Variants in CPD observed in about 807,000 individuals in gnomAD.
CPD encodes the protein carboxypeptidase D, also known as metallocarboxypeptidase D.
Under a neutral mutation model 138.3 loss-of-function variants are expected in CPD, and 69 were observed. The observed-to-expected ratio is 0.50, with a 90% CI of 0.41 to 0.61. The LOEUF is 0.61. CPD is among the 20% of genes least tolerant of loss of function. CPD has a pLI of 0.00. For missense variants in CPD, 1,432 were observed against 1,733.3 expected, an observed-to-expected ratio of 0.83 and a Z score of 3.09; for synonymous variants, 651 against 642.1, an observed-to-expected ratio of 1.01 and a Z score of -0.21.
chr17:30,464,370 G>A lies in CPD; in HGVS notation c.3917-218G>A, dbSNP rs533043055. ...GGGTAATGGAAATGTAAATATAGGAGGTTTTTTGGTTTTGGCTTTTGTTAG... is the reference window on the plus strand; with the variant it reads ...GGGTAATGGAAATGTAAATATAGGAAGTTTTTTGGTTTTGGCTTTTGTTAG... On this transcript the variant is annotated intron_variant, in intron 20 of 20. Coordinates refer to ENST00000225719, the MANE Select transcript of CPD (RefSeq NM_001304.5). Among the ~76,000 whole-genome samples the A allele has an allele frequency of 5.3e-5, 8 of 152,026 alleles. No individual in the cohort carries two copies. The South Asian group carries it at 6.2e-4, about 12-fold the overall frequency.
chr17:30,383,327 G>A (rs1392310882), intron 1 of CPD, among the ~76,000 whole-genome samples: 5 of 152,116 alleles, frequency 3.3e-5, no homozygotes, highest in African/African-American at 9.7e-5. Context: ...GACAACTCTG[G>A]GAAATGGGTA....
chr17:30,426,323 G>T (rs965326747), intron 6 of CPD, among the ~76,000 whole-genome samples: 1 of 152,082 alleles, frequency 6.6e-6, no homozygotes, highest in Non-Finnish European at 1.5e-5. Context: ...GGCCAGCCAC[G>T]CAGGAGAATT....
chr17:30,385,199 T>C lies in CPD; in HGVS notation c.957T>C (p.Asp319=), dbSNP rs1423242367. The C allele has an allele frequency of 1.2e-6, 2 of 1,614,090 alleles. No homozygotes were observed. Among genetic ancestry groups the C allele is most frequent in the South Asian group, 2.2e-5 (2 of 91,088 alleles). ...CPGDEDETFK[D]GITNGAHWYD... ...GAGATGAAGACGAGACTTTCAAAGATGGAATCACAAACGGCGCACATTGGT... is the reference window on the plus strand; with the variant it reads ...GAGATGAAGACGAGACTTTCAAAGACGGAATCACAAACGGCGCACATTGGT... Residue 319 remains aspartate (D), a synonymous_variant, in exon 2 of 21, where the codon GAT becomes GAC. Transcript: ENST00000225719.
At chr17:30,413,351 C>T (rs1031838558) in intron 2 of CPD, among the ~76,000 whole-genome samples, 3 of 152,092 alleles carry the variant, frequency 2.0e-5, no homozygotes, top group East Asian at 1.9e-4. Context: ...CAGCATCTTA[C>T]CCATTTCCTG....
chr17:30,449,512 C>T (rs1913111125), intron 12 of CPD, 41 bp from the exon 13 acceptor site: 1 of 1,514,792 alleles, frequency 6.6e-7, no homozygotes, highest in Non-Finnish European at 8.9e-7. Flanking sequence ...TAACATAGTG[C>T]TTGATTACTT....
chr17:30,410,837 G>A (rs553920053), intron 2 of CPD, among the ~76,000 whole-genome samples: 1 of 152,214 alleles, frequency 6.6e-6, no homozygotes, highest in East Asian at 1.9e-4. Context: ...TCTTTTAATT[G>A]GAGCATTTAG....
Position 30,467,174 on chromosome 17 carries a change from T to G in CPD, c.*2360T>G, listed in dbSNP as rs1449416952. The G allele has an allele frequency of 6.6e-6, 1 of 152,650 alleles. No individual in the cohort carries two copies. Among genetic ancestry groups the G allele is most frequent in the East Asian group, 1.9e-4 (1 of 5,204 alleles). The allele number at this position is 152,650 out of a possible 1,614,324, so 9.5% of individuals were successfully genotyped here. On this transcript the variant is annotated 3_prime_UTR_variant, in exon 21 of 21. Transcript: ENST00000225719. Reference sequence around the variant, plus strand: ...TCTTCAGTGTTTCTCCGAGAGACTTTCCATTTCCTTGGAGTTATGGCGGCA... The same window carrying G: ...TCTTCAGTGTTTCTCCGAGAGACTTGCCATTTCCTTGGAGTTATGGCGGCA...
chr17:30,436,087 A>G (rs1200498648), intron 8 of CPD, among the ~76,000 whole-genome samples: 2 of 152,220 alleles, frequency 1.3e-5, no homozygotes. Flanking sequence ...ACTGAGGGTT[A>G]GGACTTCAAT....
intron 2 of CPD, among the ~76,000 whole-genome samples, chr17:30,415,956 G>A (rs1232482485): frequency 6.6e-6 from 1 of 152,218 alleles, no homozygotes; most frequent in East Asian, 1.9e-4. Context: ...ACAGAAAGTA[G>A]AAAGGTGGTT....
chr17:30,382,111 T>G (rs908725791), intron 1 of CPD, among the ~76,000 whole-genome samples: 19 of 152,312 alleles, frequency 1.2e-4, no homozygotes, highest in African/African-American at 4.3e-4. Flanking sequence ...TTTGAATGTG[T>G]TTGTGAAAAG....
chr17:30,388,412 G>A (rs1290773620), intron 2 of CPD, among the ~76,000 whole-genome samples: 1 of 152,236 alleles, frequency 6.6e-6, no homozygotes, highest in Non-Finnish European at 1.5e-5. Context: ...CCAGTGCTGA[G>A]TCGCCCTCAG....
chr17:30,388,922 C>T (rs1031355336), intron 2 of CPD, among the ~76,000 whole-genome samples: 2 of 152,118 alleles, frequency 1.3e-5, no homozygotes, highest in African/African-American at 2.4e-5. Flanking sequence ...CCAAGTGGCC[C>T]GCGCAGAGCC....
intron 6 of CPD, 109 bp downstream of exon 6, chr17:30,423,806 TC>T: frequency 1.2e-6 from 1 of 858,452 alleles, no homozygotes; most frequent in Middle Eastern, 2.6e-4. Context: ...CAATTTTTTT[TC>T]CTTTTAATTT....
chr17:30,422,690 G>A lies in CPD; in HGVS notation c.1324G>A (p.Val442Ile). The A allele has an allele frequency of 6.2e-7, 1 of 1,609,192 alleles. No individual in the cohort carries two copies. The highest frequency in any genetic ancestry group is 1.1e-5 in the South Asian group (1 of 90,424). ...TTTTTTCAGGTATATGCCATTGACTGTTACTAATGTAGTGGTGAAAGAAGG... is the reference window on the plus strand; with the variant it reads ...TTTTTTCAGGTATATGCCATTGACTATTACTAATGTAGTGGTGAAAGAAGG... ...VVLTGYMPLTVTNVVVKEGPA... is the reference protein window; with the variant it reads ...VVLTGYMPLTITNVVVKEGPA... Residue 442 changes from valine to isoleucine, a missense_variant, in exon 5 of 21, where the codon GTT (valine) becomes ATT (isoleucine). This residue lies in a region of CPD where 160 missense variants were observed against 197.9 expected (regional missense o/e 0.81). Transcript: ENST00000225719.
Position 30,442,367 on chromosome 17 carries a change from G to T in CPD, c.2290G>T (p.Gly764Cys). ...TNCFEVTIELGCVKYPLEKEL... is the reference protein window; with the variant it reads ...TNCFEVTIELCCVKYPLEKEL... ...TTGCTTTGAAGTGACTATTGAACTA[G>T]GTTGTGTGAAATATCCACTTGAGAA... is the stretch of plus-strand genomic sequence containing the variant. The change falls in exon 10 of 21, where the codon GGT becomes TGT. Residue 764 changes from glycine (G) to cysteine (C), a missense_variant. Physicochemically the swap from Gly to Cys is radical, Grantham distance 159. Coordinates refer to ENST00000225719, the MANE Select transcript of CPD (RefSeq NM_001304.5). The T allele has an allele frequency of 2.5e-6, 4 of 1,613,344 alleles. No homozygotes were observed. The highest frequency in any genetic ancestry group is 3.4e-6 in the Non-Finnish European group (4 of 1,179,458).
At chr17:30,406,474 A>G (rs967352805) in intron 2 of CPD, among the ~76,000 whole-genome samples, 6 of 152,140 alleles carry the variant, frequency 3.9e-5, no homozygotes, top group Non-Finnish European at 7.4e-5. Context: ...ATATATTTGT[A>G]TGTGTCATTA....
intron 2 of CPD, among the ~76,000 whole-genome samples, chr17:30,398,248 TAATAG>T: frequency 6.7e-6 from 1 of 150,106 alleles, no homozygotes; most frequent in African/African-American, 2.5e-5. Flanking sequence ...CAGAATAGAA[TAATAG>T]AATAGAATAA....
At chr17:30,456,043 C>G (rs763301193) in intron 15 of CPD, 1 of 528,398 alleles carries the variant, frequency 1.9e-6, no homozygotes, top group Non-Finnish European at 3.3e-6. Flanking sequence ...GTTGTGAAAA[C>G]TCACCATTAG....
In CPD at chr17:30,466,829, T is replaced by G. The variant is rs1913654311; in HGVS notation, c.*2015T>G. 1 of 152,348 alleles carries G rather than the reference T, an allele frequency of 6.6e-6. No individual in the cohort carries two copies. Among genetic ancestry groups the G allele is most frequent in the Non-Finnish European group, 1.5e-5 (1 of 68,006 alleles). 9.4% of individuals were successfully genotyped at this position (152,348 alleles called of 1,614,324 possible). ...ATATGTCTTTAACTGTACATCTCAG[T>G]GGCTGGAGGCCATGCCTTTTAAGCA... On this transcript the variant is annotated 3_prime_UTR_variant, in exon 21 of 21. Transcript: ENST00000225719.
Sources: allele counts gnomAD v4.1 joint callset (sites outside exome capture counted in the v4.1 genomes callset), GRCh38; gene constraint gnomAD v4.1.1; regional missense constraint gnomAD v4.1.1; transcripts MANE v1.5; gene names NCBI Gene and HGNC (gene_info 2026-07-23, HGNC 2026-07-21).